SUPT7L: variants seen among roughly 807,000 people sequenced by gnomAD.
SUPT7L encodes SPT7 like, STAGA complex subunit gamma.
In SUPT7L, 15 loss-of-function variants were observed where a neutral mutation model predicts 35.7. The observed-to-expected ratio is 0.42, with a 90% CI of 0.28 to 0.65. The LOEUF (loss-of-function observed/expected upper bound fraction) is 0.65, where lower values mean the gene tolerates loss of function less well. SUPT7L is among the 30% of genes least tolerant of loss of function. The pLI is 0.23. For synonymous variants in SUPT7L, 168 were observed against 186.2 expected, an observed-to-expected ratio of 0.90 and a Z score of 0.79; for missense variants, 434 against 522.2, an observed-to-expected ratio of 0.83 and a Z score of 1.65.
chr2:27,646,997 T>C (rs139730190), downstream of SUPT7L, among the ~76,000 whole-genome samples: 176 of 152,364 alleles, frequency 1.2e-3, no homozygotes, highest in African/African-American at 3.8e-3. Context: ...AGCTAACCTG[T>C]TGAAGGTTGG....
downstream of SUPT7L, among the ~76,000 whole-genome samples, chr2:27,646,186 C>T (rs1209469965): frequency 6.6e-6 from 1 of 152,002 alleles, no homozygotes; most frequent in Non-Finnish European, 1.5e-5. Context: ...GGACTACAGG[C>T]ACATGCCACC....
chr2:27,655,212 T>C (rs1674737317), intron 5 of SUPT7L, among the ~76,000 whole-genome samples, 153 bp downstream of exon 5: 1 of 152,234 alleles, frequency 6.6e-6, no homozygotes, highest in African/African-American at 2.4e-5. Context: ...TGCTGGGATC[T>C]CTAGATAGGT....
Position 27,650,814 on chromosome 2 carries a change from T to C in SUPT7L, c.*2671A>G, listed in dbSNP as rs764484807. On this transcript the variant is annotated 3_prime_UTR_variant, in exon 6 of 6. Transcript: ENST00000337768. ...ATTAATGAATCAGAATCCTGTTTCA[T>C]TGGTGACTTGGATAAAGACTTTTTA... 6.5e-6 allele frequency: 1 copy of C among 152,836 alleles called. No homozygotes were observed. The highest frequency in any genetic ancestry group is 2.4e-5 in the African/African-American group (1 of 41,480). The allele number at this position is 152,836 out of a possible 1,614,324, so 9.5% of individuals were successfully genotyped here.
chr2:27,646,234 G>A (rs1674223146), downstream of SUPT7L, among the ~76,000 whole-genome samples: 2 of 152,156 alleles, frequency 1.3e-5, no homozygotes, highest in South Asian at 4.2e-4. Context: ...TAGAGACAGG[G>A]TTTTGCCATG....
At chr2:27,650,162 G>T, downstream of SUPT7L, 1 of 1,607,654 alleles carries the variant, frequency 6.2e-7, no homozygotes, top group Non-Finnish European at 8.5e-7. Flanking sequence ...TTTTATGCAA[G>T]AATCGATGGC....
chr2:27,647,227 G>A (rs1026316002), downstream of SUPT7L, among the ~76,000 whole-genome samples: 2 of 152,156 alleles, frequency 1.3e-5, no homozygotes, highest in African/African-American at 4.8e-5. Context: ...GAGTGACTAT[G>A]TCCTCCCATG....
downstream of SUPT7L, among the ~76,000 whole-genome samples, chr2:27,646,175 G>A (rs1401791101): frequency 6.6e-6 from 1 of 152,158 alleles, no homozygotes; most frequent in African/African-American, 2.4e-5. Context: ...CTGTGTAGCT[G>A]GGACTACAGG....
Position 27,655,463 on chromosome 2 carries a change from A to G in SUPT7L, c.884T>C (p.Leu295Pro), listed in dbSNP as rs1220643122. Residue 295 changes from leucine (L) to proline (P), a missense_variant, in exon 5 of 6, where the codon CTT becomes CCT. Coordinates refer to ENST00000337768, the MANE Select transcript of SUPT7L (RefSeq NM_014860.3). ...FPVSEELEAD[L>P]ASGDQSLPMG... is the part of the protein sequence containing the mutation. ...AGGCAGTGACTGGTCTCCAGAAGCAAGGTCAGCCTCCAGCTCCTCACTGAC... is the reference window on the plus strand; with the variant it reads ...AGGCAGTGACTGGTCTCCAGAAGCAGGGTCAGCCTCCAGCTCCTCACTGAC... 1.9e-6 allele frequency: 3 copies of G among 1,614,020 alleles called. No homozygotes were observed. In the African/African-American group the frequency reaches 4.0e-5, roughly 22 times the overall value.
chr2:27,643,315 T>G, the SUPT7L span, among the ~76,000 whole-genome samples: 1 of 151,960 alleles, frequency 6.6e-6, no homozygotes, highest in East Asian at 1.9e-4. The surrounding 1 kb of genome is among the most constrained non-coding windows in gnomAD (Gnocchi z 4.0). Flanking sequence ...CTACCATGTT[T>G]ACTTTATTCT....
chr2:27,662,031 C>A (rs1290210838), intron 2 of SUPT7L, 148 bp downstream of exon 2: 2 of 1,057,314 alleles, frequency 1.9e-6, no homozygotes, highest in African/African-American at 3.2e-5. Context: ...TTCCTCCAAT[C>A]TCTCTTTGTA....
chr2:27,653,356 T>C lies in SUPT7L; in HGVS notation c.*129A>G, dbSNP rs2148107818. The C allele has an allele frequency of 1.5e-6, 2 of 1,358,454 alleles. No individual in the cohort carries two copies. The highest frequency in any genetic ancestry group is 2.9e-5 in the South Asian group (2 of 69,372). 84.2% of individuals were successfully genotyped at this position (1,358,454 alleles called of 1,614,324 possible). On this transcript the variant is annotated 3_prime_UTR_variant, in exon 6 of 6. Coordinates refer to ENST00000337768, the MANE Select transcript of SUPT7L (RefSeq NM_014860.3). Reference sequence around the variant, plus strand: ...CTTGTTTGGTGACGTCCAGTTCCTCTGGAATTAGGAAAAACCACTTGTGTT... The same window carrying C: ...CTTGTTTGGTGACGTCCAGTTCCTCCGGAATTAGGAAAAACCACTTGTGTT...
chr2:27,642,954 T>TGTACACACACACAC, the SUPT7L span, among the ~76,000 whole-genome samples: 1 of 46,750 alleles, frequency 2.1e-5, no homozygotes, highest in Admixed American at 1.7e-4. Flanking sequence ...TATATATATA[T>TGTACACACACACAC]ATATACACAC....
chr2:27,650,055 G>A (rs1674450062), downstream of SUPT7L: 1 of 899,432 alleles, frequency 1.1e-6, no homozygotes, highest in Admixed American at 1.7e-5. Flanking sequence ...ATGGGTGACG[G>A]GCTCTAATCA....
the SUPT7L span, among the ~76,000 whole-genome samples, chr2:27,642,988 C>CACACACACACACACACACAT: frequency 1.3e-5 from 2 of 150,782 alleles, no homozygotes. Flanking sequence ...CACACACACA[C>CACACACACACACACACACAT]ACACACATAC....
At chr2:27,650,116 TAC>T, downstream of SUPT7L, 1 of 1,578,530 alleles carries the variant, frequency 6.3e-7, no homozygotes, top group Non-Finnish European at 8.7e-7. Flanking sequence ...TCCTTGCAGT[TAC>T]AGAGGAAAGC....
At position 27,653,364 on chromosome 2, in the gene SUPT7L, G is replaced by C; in HGVS notation, c.*121C>G. The C allele has an allele frequency of 7.0e-7, 1 of 1,422,056 alleles. No homozygotes were observed. Among genetic ancestry groups the C allele is most frequent in the Non-Finnish European group, 9.4e-7 (1 of 1,065,038 alleles). 88.1% of individuals were successfully genotyped at this position (1,422,056 alleles called of 1,614,324 possible). A position where few individuals can be genotyped will look rare whatever the true frequency, so the allele number is the denominator to read the frequency against. On this transcript the variant is annotated 3_prime_UTR_variant, in exon 6 of 6. Transcript: ENST00000337768. The stretch of plus-strand genomic sequence containing the variant: ...GTGACGTCCAGTTCCTCTGGAATTA[G>C]GAAAAACCACTTGTGTTTAAGAACA...
chr2:27,647,862 T>C, downstream of SUPT7L: 15 of 1,612,934 alleles, frequency 9.3e-6, no homozygotes, highest in Non-Finnish European at 1.3e-5. Context: ...GCTGCACCCT[T>C]CTGATTTGAT....
At chr2:27,644,591 G>A in the SUPT7L span, among the ~76,000 whole-genome samples, 3 of 151,448 alleles carry the variant, frequency 2.0e-5, no homozygotes, top group South Asian at 2.1e-4. Context: ...TGAGATCCCC[G>A]ATTAATTTAG....
the SUPT7L span, among the ~76,000 whole-genome samples, chr2:27,642,958 T>TATACACACACACACAC: frequency 2.1e-3 from 263 of 122,648 alleles, no homozygotes; most frequent in East Asian, 5.5e-3. Context: ...TATATATATA[T>TATACACACACACACAC]ACACACACAC....
Sources: allele counts gnomAD v4.1 joint callset (sites outside exome capture counted in the v4.1 genomes callset), GRCh38; gene constraint gnomAD v4.1.1; non-coding constraint Gnocchi (gnomAD v3.1); transcripts MANE v1.5; gene names NCBI Gene and HGNC (gene_info 2026-07-23, HGNC 2026-07-21).